The following TENM4 variants were observed in gnomAD, a reference collection of about 807,000 sequenced individuals.
TENM4 encodes teneurin transmembrane protein 4.
Under a neutral mutation model 243.3 loss-of-function variants are expected in TENM4, and 82 were observed. That is an observed-to-expected ratio of 0.34 (90% CI 0.28 to 0.40). TENM4 has a LOEUF of 0.40. Among genes scored for constraint, TENM4 ranks in the 10% least tolerant of loss-of-function variants. TENM4 has a pLI of 1.00. For synonymous variants in TENM4, 1,412 were observed against 1,456.3 expected (o/e 0.97, Z 0.69); for missense variants, 3,138 against 3,673.3 (o/e 0.85, Z 3.77).
chr11:78,684,380 T>C (rs1249452489), intron 29 of TENM4, among the ~76,000 whole-genome samples: 8 of 152,236 alleles, frequency 5.3e-5, no homozygotes, highest in Admixed American at 2.0e-4. Flanking sequence ...AGATCATGAA[T>C]ATGAAGAGCT....
rs1857178256 is a variant in TENM4, at chr11:79,338,149, G to T, written c.-320-40606C>A. 2.0e-5 allele frequency among the ~76,000 whole-genome samples: 3 copies of T among 152,338 alleles called. No individual in the cohort carries two copies. The South Asian group carries it at 6.2e-4, about 32-fold the overall frequency. On this transcript the variant is annotated intron_variant, in intron 1 of 33. Coordinates refer to ENST00000278550, the MANE Select transcript of TENM4 (RefSeq NM_001098816.3). ...ACAGGCTAGAGCAGGGCTTGCCCCAGAACAGATGCTTAAATATGTTTGTCA... is the reference window on the plus strand; with the variant it reads ...ACAGGCTAGAGCAGGGCTTGCCCCATAACAGATGCTTAAATATGTTTGTCA...
chr11:79,308,781 A>G (rs1000311637), intron 1 of TENM4, among the ~76,000 whole-genome samples: 11 of 152,182 alleles, frequency 7.2e-5, no homozygotes, highest in African/African-American at 2.4e-4. Flanking sequence ...CCTGAGTGCG[A>G]GACCCACAGA....
chr11:79,383,682 C>T (rs1398180431), intron 1 of TENM4, among the ~76,000 whole-genome samples: 5 of 152,176 alleles, frequency 3.3e-5, no homozygotes, highest in African/African-American at 1.2e-4. Context: ...CTGTTTCTCT[C>T]TCCTCTTGAC....
chr11:78,698,816 C>T (rs890608673), intron 28 of TENM4, among the ~76,000 whole-genome samples: 1 of 152,220 alleles, frequency 6.6e-6, no homozygotes, highest in Non-Finnish European at 1.5e-5. Flanking sequence ...TGGCTCGCAG[C>T]CAGTGAAAAT....
intron 1 of TENM4, among the ~76,000 whole-genome samples, chr11:79,298,923 T>C (rs1158090572): frequency 2.0e-5 from 3 of 152,218 alleles, no homozygotes; most frequent in Non-Finnish European, 4.4e-5. Context: ...CAGCTCTCTA[T>C]TTCTGCCCTT....
intron 18 of TENM4, among the ~76,000 whole-genome samples, chr11:78,769,941 C>T (rs1856613418): frequency 1.3e-5 from 2 of 152,238 alleles, no homozygotes; most frequent in African/African-American, 4.8e-5. Context: ...GAGAATCCCT[C>T]TAAATAGAAA....
At chr11:78,987,159 A>C (rs1291380743) in intron 6 of TENM4, among the ~76,000 whole-genome samples, 1 of 152,176 alleles carries the variant, frequency 6.6e-6, no homozygotes, top group Non-Finnish European at 1.5e-5. Context: ...TCGTATTCTC[A>C]GTCTACTTGG....
intron 4 of TENM4, among the ~76,000 whole-genome samples, chr11:79,094,198 G>C (rs544032777): frequency 6.6e-6 from 1 of 152,302 alleles, no homozygotes; most frequent in South Asian, 2.1e-4. Flanking sequence ...TTTGGGGCCA[G>C]ACAGCCTGAG....
intron 23 of TENM4, among the ~76,000 whole-genome samples, chr11:78,724,290 A>G (rs1855464803): frequency 6.6e-6 from 1 of 152,066 alleles, no homozygotes; most frequent in Non-Finnish European, 1.5e-5. Flanking sequence ...ATGGGGTCTC[A>G]CTATGTTGCC....
At chr11:78,816,146 G>A (rs554426334) in intron 12 of TENM4, among the ~76,000 whole-genome samples, 1 of 152,334 alleles carries the variant, frequency 6.6e-6, no homozygotes, top group African/African-American at 2.4e-5. Flanking sequence ...TACTGAAAAA[G>A]GTGTTTAGGT....
chr11:78,852,910 T>C (rs1373678488), intron 12 of TENM4, among the ~76,000 whole-genome samples: 3 of 135,272 alleles, frequency 2.2e-5, no homozygotes, highest in African/African-American at 8.9e-5. Flanking sequence ...CCATCGCACC[T>C]GGATACTTTT....
At chr11:79,382,377 T>C (rs1202126153) in intron 1 of TENM4, among the ~76,000 whole-genome samples, 1 of 152,206 alleles carries the variant, frequency 6.6e-6, no homozygotes, top group Admixed American at 6.5e-5. Flanking sequence ...CTCTGCCTTG[T>C]GCAGGCTTCG....
intron 1 of TENM4, among the ~76,000 whole-genome samples, chr11:79,346,030 T>C (rs1168323422): frequency 6.6e-6 from 1 of 152,114 alleles, no homozygotes; most frequent in Non-Finnish European, 1.5e-5. Context: ...GACAGAAAAA[T>C]AGACTATCCC....
chr11:78,748,456 G>A (rs1437879937), intron 19 of TENM4, among the ~76,000 whole-genome samples: 2 of 152,328 alleles, frequency 1.3e-5, no homozygotes, highest in East Asian at 3.9e-4. Context: ...TTATGATGTA[G>A]TAGAATATTG....
At chr11:78,932,032 G>T (rs1436082862) in intron 6 of TENM4, among the ~76,000 whole-genome samples, 2 of 152,124 alleles carry the variant, frequency 1.3e-5, no homozygotes, top group African/African-American at 2.4e-5. Flanking sequence ...TACTTCATAG[G>T]GTTATGGAAG....
chr11:79,365,227 T>C (rs540243118), intron 1 of TENM4, among the ~76,000 whole-genome samples: 18 of 152,306 alleles, frequency 1.2e-4, no homozygotes, highest in African/African-American at 4.3e-4. Context: ...ACACATTAGG[T>C]AAGTGTCCCT....
intron 4 of TENM4, among the ~76,000 whole-genome samples, chr11:79,120,750 T>A (rs922850395): frequency 2.0e-5 from 3 of 152,196 alleles, no homozygotes; most frequent in African/African-American, 7.2e-5. Flanking sequence ...AAGTGCAGAA[T>A]CACAAAGTAT....
chr11:78,932,554 A>G (rs1856693676), intron 6 of TENM4, among the ~76,000 whole-genome samples: 1 of 152,190 alleles, frequency 6.6e-6, no homozygotes, highest in Non-Finnish European at 1.5e-5. Context: ...TAACACTGAT[A>G]TGTGACCAAG....
intron 15 of TENM4, among the ~76,000 whole-genome samples, chr11:78,788,240 C>T (rs1336737708): frequency 6.6e-6 from 1 of 152,230 alleles, no homozygotes; most frequent in Non-Finnish European, 1.5e-5. Flanking sequence ...TCAGACCTTC[C>T]TACCAATCTA....
Sources: gnomAD v4.1 joint callset for allele counts (sites outside exome capture counted in the v4.1 genomes callset) on GRCh38, gnomAD v4.1.1 for gene constraint, MANE v1.5 for transcripts, NCBI Gene and HGNC (gene_info 2026-07-23, HGNC 2026-07-21) for gene names.